The following DYNC1LI1 variants were observed in gnomAD, a reference collection of about 807,000 sequenced individuals.
DYNC1LI1 encodes the protein dynein cytoplasmic 1 light intermediate chain 1.
A neutral mutation model predicts 63.8 loss-of-function variants in DYNC1LI1; 19 were observed. The observed-to-expected ratio is 0.30, with a 90% CI of 0.21 to 0.44. The LOEUF is 0.44. Ranked by LOEUF, DYNC1LI1 falls within the 20% of genes least tolerant of loss-of-function variation. DYNC1LI1 has a pLI of 1.00. For synonymous variants in DYNC1LI1, 225 were observed against 232.3 expected, an observed-to-expected ratio of 0.97 and a Z score of 0.28; for missense variants, 565 against 630.2, an observed-to-expected ratio of 0.90 and a Z score of 1.11.
chr3:32,566,391 G>A (rs1057293738), intron 2 of DYNC1LI1, among the ~76,000 whole-genome samples: 1 of 152,068 alleles, frequency 6.6e-6, no homozygotes, highest in African/African-American at 2.4e-5. Flanking sequence ...TTTTCCTTAG[G>A]GAGTTTTCTT....
chr3:32,562,324 T>C (rs781213025), intron 2 of DYNC1LI1, among the ~76,000 whole-genome samples: 3 of 152,154 alleles, frequency 2.0e-5, no homozygotes, highest in Non-Finnish European at 4.4e-5. Flanking sequence ...GGTAGGATCA[T>C]GCATTATTTT....
chr3:32,547,911 G>A (rs774250253), intron 2 of DYNC1LI1, among the ~76,000 whole-genome samples: 12 of 152,126 alleles, frequency 7.9e-5, no homozygotes, highest in Non-Finnish European at 1.5e-4. Flanking sequence ...GTACGTGTAT[G>A]TGTGTATATG....
At chr3:32,566,787 T>A in intron 2 of DYNC1LI1, 1 of 380,640 alleles carries the variant, frequency 2.6e-6, no homozygotes, top group Non-Finnish European at 5.1e-6. Flanking sequence ...TCAATTGTAT[T>A]AAAAGTAATT....
intron 2 of DYNC1LI1, 31 bp downstream of exon 2, chr3:32,570,315 G>A: frequency 6.6e-7 from 1 of 1,523,586 alleles, no homozygotes. Context: ...CTGGGGGCCG[G>A]GCGGGGCGGG....
chr3:32,553,930 A>T (rs551433360), intron 2 of DYNC1LI1, among the ~76,000 whole-genome samples: 1 of 152,360 alleles, frequency 6.6e-6, no homozygotes, highest in Admixed American at 6.5e-5. Context: ...TTTGGGAGCC[A>T]TGGTGGCTCA....
At chr3:32,556,114 C>G (rs1265643120) in intron 2 of DYNC1LI1, among the ~76,000 whole-genome samples, 1 of 152,218 alleles carries the variant, frequency 6.6e-6, no homozygotes, top group African/African-American at 2.4e-5. Flanking sequence ...TCAGGAACTT[C>G]TAGTCAGAGG....
chr3:32,539,826 C>T (rs546100191), intron 5 of DYNC1LI1, among the ~76,000 whole-genome samples: 18 of 148,506 alleles, frequency 1.2e-4, no homozygotes, highest in Admixed American at 5.4e-4. Context: ...TGAGCCACCA[C>T]GCCCAGCTGA....
At chr3:32,552,505 CTTTA>C (rs780394324) in intron 2 of DYNC1LI1, among the ~76,000 whole-genome samples, 29 of 152,048 alleles carry the variant, frequency 1.9e-4, no homozygotes, top group Non-Finnish European at 3.5e-4. Flanking sequence ...TCCCAACATT[CTTTA>C]TTTTTTTTTC....
intron 5 of DYNC1LI1, among the ~76,000 whole-genome samples, chr3:32,537,973 T>A (rs867414868): frequency 2.5e-4 from 5 of 19,708 alleles, no homozygotes; most frequent in East Asian, 1.0e-3. Context: ...TATATATATA[T>A]TTATATATAA....
chr3:32,538,824 G>A (rs774531314), intron 5 of DYNC1LI1, among the ~76,000 whole-genome samples: 4 of 151,958 alleles, frequency 2.6e-5, no homozygotes, highest in East Asian at 1.9e-4. Flanking sequence ...AACTGATGGC[G>A]TTGAACCACC....
chr3:32,543,393 CCTTT>C (rs1228384969), intron 4 of DYNC1LI1, among the ~76,000 whole-genome samples: 7 of 149,182 alleles, frequency 4.7e-5, no homozygotes, highest in African/African-American at 9.9e-5. Context: ...CTATGTATTT[CCTTT>C]CTTTTTTTTT....
chr3:32,529,713 C>T (rs922317283), intron 10 of DYNC1LI1, 53 bp from the exon 11 acceptor site: 2 of 1,470,524 alleles, frequency 1.4e-6, no homozygotes, highest in Non-Finnish European at 1.8e-6. Flanking sequence ...TTCATTTTCA[C>T]AAAAGTTATT....
intron 2 of DYNC1LI1, among the ~76,000 whole-genome samples, chr3:32,547,964 T>C (rs1258975340): frequency 6.6e-6 from 1 of 152,098 alleles, no homozygotes; most frequent in Middle Eastern, 3.2e-3. Context: ...TATGTGTATG[T>C]ATAATATATA....
chr3:32,561,782 C>T (rs1698197847), intron 2 of DYNC1LI1, among the ~76,000 whole-genome samples: 1 of 151,556 alleles, frequency 6.6e-6, no homozygotes, highest in African/African-American at 2.4e-5. Context: ...AATAATCTGT[C>T]TACCAATCCA....
At chr3:32,562,564 C>T (rs776036127) in intron 2 of DYNC1LI1, among the ~76,000 whole-genome samples, 1 of 152,162 alleles carries the variant, frequency 6.6e-6, no homozygotes, top group Non-Finnish European at 1.5e-5. Flanking sequence ...TGGTCTCAAG[C>T]CATGCCCCCA....
At chr3:32,552,893 A>G (rs189816453) in intron 2 of DYNC1LI1, among the ~76,000 whole-genome samples, 146 of 152,134 alleles carry the variant, frequency 9.6e-4, no homozygotes, top group Non-Finnish European at 1.6e-3. Flanking sequence ...TTTAGTAGAG[A>G]AGGGGTTTCA....
At chr3:32,562,545 T>C (rs769815517) in intron 2 of DYNC1LI1, among the ~76,000 whole-genome samples, 1 of 152,138 alleles carries the variant, frequency 6.6e-6, no homozygotes, top group Non-Finnish European at 1.5e-5. Context: ...CTTGCTGTAT[T>C]ACCCAGGCTG....
chr3:32,548,243 G>A (rs868400199), intron 2 of DYNC1LI1, among the ~76,000 whole-genome samples: 19 of 152,050 alleles, frequency 1.2e-4, no homozygotes, highest in African/African-American at 3.4e-4. Flanking sequence ...TCCACCTCCC[G>A]TCAGATCAGC....
At position 32,538,032 on chromosome 3, in the gene DYNC1LI1, ATAAT is replaced by A. The variant is rs1212722476; in HGVS notation, c.739-932_739-929del. On this transcript the variant is annotated intron_variant, in intron 5 of 12. Transcript: ENST00000273130. ...TAATATATATATATAATTTATATAT[ATAAT>A]ATATATATATAATTATATATATATA... 3.8e-4 allele frequency among the ~76,000 whole-genome samples: 4 copies of A among 10,586 alleles called. 1 individual carries two copies. Among genetic ancestry groups the A allele is most frequent in the South Asian group, 4.5e-3 (1 of 224 alleles). 6.9% of individuals were successfully genotyped at this position (10,586 alleles called of 152,430 possible). A position where few individuals can be genotyped will look rare whatever the true frequency, so the allele number is the denominator to read the frequency against.
Sources: gnomAD v4.1 joint callset for allele counts (sites outside exome capture counted in the v4.1 genomes callset) on GRCh38, gnomAD v4.1.1 for gene constraint, MANE v1.5 for transcripts, NCBI Gene and HGNC (gene_info 2026-07-23, HGNC 2026-07-21) for gene names.